The following REV1 variants were observed in gnomAD, a reference collection of about 807,000 sequenced individuals.
REV1 encodes REV1 DNA directed polymerase.
In REV1, 42 loss-of-function variants were observed where a neutral mutation model predicts 137.4. The ratio of observed to expected loss-of-function variants is 0.31; its 90% CI spans 0.24 to 0.40. The LOEUF is 0.40. Ranked by LOEUF, REV1 falls within the 10% of genes least tolerant of loss-of-function variation. The pLI, the probability that REV1 is intolerant of heterozygous loss-of-function variation, is 1.00. For synonymous variants in REV1, 524 were observed against 519.2 expected (o/e 1.01, Z -0.12); for missense variants, 1,282 against 1,490.1 (o/e 0.86, Z 2.30).
chr2:99,451,557 C>T, intron 3 of REV1: 1 of 1,162,680 alleles, frequency 8.6e-7, no homozygotes, highest in Non-Finnish European at 1.2e-6. Context: ...TGAGTTTAAT[C>T]TTAGCTTTCA....
chr2:99,422,854 A>C (rs1678863299), intron 10 of REV1, among the ~76,000 whole-genome samples: 1 of 152,142 alleles, frequency 6.6e-6, no homozygotes, highest in Non-Finnish European at 1.5e-5. Context: ...CTAGGGCTTC[A>C]ATACCCAGGA....
At chr2:99,484,174 TGAG>T (rs1686908848) in intron 1 of REV1, among the ~76,000 whole-genome samples, 1 of 152,120 alleles carries the variant, frequency 6.6e-6, no homozygotes, top group Non-Finnish European at 1.5e-5. Flanking sequence ...AGCCAAATGA[TGAG>T]AACTCATGAA....
intron 1 of REV1, among the ~76,000 whole-genome samples, chr2:99,488,992 A>G (rs1240853574): frequency 1.3e-5 from 2 of 152,216 alleles, no homozygotes; most frequent in Non-Finnish European, 2.9e-5. Flanking sequence ...GCAGACGTAT[A>G]TTATCTGCAA....
intron 1 of REV1, 114 bp from the exon 2 acceptor site, chr2:99,465,099 A>AAAGCC (rs1684650924): frequency 4.7e-6 from 4 of 853,386 alleles, no homozygotes; most frequent in Non-Finnish European, 7.5e-6. Context: ...CCAACTGATG[A>AAAGCC]AAGTATACAA....
intron 4 of REV1, among the ~76,000 whole-genome samples, chr2:99,447,275 C>G (rs1361924744): frequency 6.6e-6 from 1 of 151,872 alleles, no homozygotes; most frequent in African/African-American, 2.4e-5. Context: ...CAGGTTCAAG[C>G]GATTCTCCTG....
intron 6 of REV1, among the ~76,000 whole-genome samples, chr2:99,438,126 C>T (rs1446381041): frequency 1.3e-5 from 2 of 152,268 alleles, no homozygotes; most frequent in East Asian, 3.9e-4. Flanking sequence ...ATACAATGAA[C>T]CAATGTACTT....
intron 9 of REV1, chr2:99,425,000 C>A: frequency 1.1e-5 from 9 of 817,858 alleles, no homozygotes; most frequent in South Asian, 1.0e-4. Context: ...TGGAATTATA[C>A]ATAATTAGTA....
At chr2:99,479,929 T>C (rs554197357) in intron 1 of REV1, among the ~76,000 whole-genome samples, 2 of 152,064 alleles carry the variant, frequency 1.3e-5, no homozygotes, top group East Asian at 3.9e-4. Flanking sequence ...CTAAGAACAA[T>C]CAGTAGGATT....
At chr2:99,438,561 A>C in intron 6 of REV1, 40 bp downstream of exon 6, 1 of 1,468,226 alleles carries the variant, frequency 6.8e-7, no homozygotes, top group East Asian at 2.3e-5. Context: ...ATGATCAAGC[A>C]TGACTGTTTC....
intron 8 of REV1, among the ~76,000 whole-genome samples, chr2:99,432,710 TA>T (rs1472160935): frequency 1.3e-5 from 2 of 152,232 alleles, no homozygotes; most frequent in Non-Finnish European, 2.9e-5. Flanking sequence ...GAAATTTAAA[TA>T]TTTCTCCTAA....
intron 1 of REV1, among the ~76,000 whole-genome samples, chr2:99,469,647 A>G (rs1446754371): frequency 2.6e-5 from 4 of 152,240 alleles, no homozygotes; most frequent in Non-Finnish European, 5.9e-5. Context: ...TCAAAACTCT[A>G]TCAAGAGTCT....
In REV1 at chr2:99,442,464, T is replaced by C. The variant is rs1387516563; in HGVS notation, c.356A>G (p.Lys119Arg). Residue 119 changes from lysine (K) to arginine (R), a missense_variant, in exon 5 of 23, where the codon AAA (lysine) becomes AGA (arginine). Lys to Arg is a conservative substitution (Grantham distance 26). Transcript: ENST00000258428. The part of the protein sequence containing the change: ...IRPEWIVESI[K>R]AGRLLSYIPY... ...AATGTAGGAGAGGAGTCGTCCAGCT[T>C]TGATGCTGAAACAAAAAGCAACACC... 2 of 1,611,772 alleles carry C rather than the reference T, an allele frequency of 1.2e-6. No individual in the cohort carries two copies. The highest frequency in any genetic ancestry group is 1.7e-6 in the Non-Finnish European group (2 of 1,179,414).
intron 18 of REV1, among the ~76,000 whole-genome samples, chr2:99,404,227 C>T (rs529197904): frequency 1.7e-4 from 26 of 152,244 alleles, no homozygotes; most frequent in African/African-American, 5.3e-4. Context: ...TGCCCTCCCC[C>T]GTCTCTTCCC....
At chr2:99,411,165 G>A (rs1677083969) in intron 13 of REV1, among the ~76,000 whole-genome samples, 1 of 152,030 alleles carries the variant, frequency 6.6e-6, no homozygotes, top group South Asian at 2.1e-4. Context: ...GCGGGTGCCT[G>A]TAATCGCAGC....
intron 1 of REV1, among the ~76,000 whole-genome samples, chr2:99,476,427 A>T (rs1471337142): frequency 6.6e-6 from 1 of 152,048 alleles, no homozygotes; most frequent in African/African-American, 2.4e-5. Flanking sequence ...ATGGTGGCAC[A>T]CGCCGGTAAT....
chr2:99,461,988 G>A (rs1435450000), intron 3 of REV1, among the ~76,000 whole-genome samples: 1 of 152,188 alleles, frequency 6.6e-6, no homozygotes, highest in Non-Finnish European at 1.5e-5. Flanking sequence ...AATGAATAGA[G>A]AGACTAAGTG....
At position 99,439,235 on chromosome 2, in the gene REV1, ATCT is replaced by A. The variant is rs758754105; in HGVS notation, c.576_578del (p.Glu192del). 2 of 1,614,160 alleles carry A rather than the reference ATCT, an allele frequency of 1.2e-6. No homozygotes were observed. Among genetic ancestry groups the A allele is most frequent in the South Asian group, 1.1e-5 (1 of 91,082 alleles). ...CCACAAAACTAAAATCATTATTTTC[ATCT>A]TCTTCATTCCAACTGTTCATGCCAT... On this transcript the variant is annotated inframe_deletion, in exon 6 of 23. Transcript: ENST00000258428.
intron 8 of REV1, 140 bp downstream of exon 8, chr2:99,434,192 C>T (rs1680450457): frequency 2.0e-6 from 1 of 491,608 alleles, no homozygotes; most frequent in East Asian, 3.1e-5. Context: ...CAAAACCTAA[C>T]AGTGACATCC....
chr2:99,447,196 C>T (rs1458995048), intron 4 of REV1, among the ~76,000 whole-genome samples: 1 of 150,736 alleles, frequency 6.6e-6, no homozygotes, highest in Non-Finnish European at 1.5e-5. Flanking sequence ...CTCACTTTGT[C>T]GCCAGGCTGG....
Sources: allele counts gnomAD v4.1 joint callset (sites outside exome capture counted in the v4.1 genomes callset), GRCh38; gene constraint gnomAD v4.1.1; transcripts MANE v1.5; gene names NCBI Gene and HGNC (gene_info 2026-07-23, HGNC 2026-07-21).